Variants in ADAMTSL1 observed in about 807,000 individuals in gnomAD.
ADAMTSL1 encodes the protein ADAMTS like 1.
ADAMTSL1 carries 126 observed loss-of-function variants against 201.8 expected under a neutral mutation model. That is an observed-to-expected ratio of 0.62 (90% CI 0.54 to 0.72). The LOEUF (loss-of-function observed/expected upper bound fraction) is 0.72, where lower values mean the gene tolerates loss of function less well. Among genes scored for constraint, ADAMTSL1 ranks in the 30% least tolerant of loss-of-function variants. The pLI, the probability that ADAMTSL1 is intolerant of heterozygous loss-of-function variation, is 0.00. For synonymous variants in ADAMTSL1, 1,121 were observed against 903.4 expected (o/e 1.24, Z -4.32); for missense variants, 2,679 against 2,277.8 (o/e 1.18, Z -3.59).
chr9:18,581,598 A>G (rs981518701), intron 4 of ADAMTSL1, among the ~76,000 whole-genome samples: 1 of 152,212 alleles, frequency 6.6e-6, no homozygotes, highest in Non-Finnish European at 1.5e-5. Context: ...ACTTGGATAT[A>G]GTGCATCCTG....
intron 1 of ADAMTSL1, among the ~76,000 whole-genome samples, chr9:17,962,509 C>T (rs982811630): frequency 6.6e-6 from 1 of 152,134 alleles, no homozygotes; most frequent in Non-Finnish European, 1.5e-5. Context: ...AAATCCAGGG[C>T]CTGCTATCTA....
chr9:18,023,389 T>C (rs905335415), intron 1 of ADAMTSL1, among the ~76,000 whole-genome samples: 1 of 152,134 alleles, frequency 6.6e-6, no homozygotes, highest in African/African-American at 2.4e-5. Context: ...AGTGTTTCTG[T>C]GGCAATTTAT....
intron 13 of ADAMTSL1, among the ~76,000 whole-genome samples, chr9:18,688,954 A>C (rs1232388509): frequency 2.6e-5 from 4 of 151,846 alleles, no homozygotes; most frequent in African/African-American, 9.7e-5. Flanking sequence ...GTTAAAGTTC[A>C]AACTATGTCA....
At chr9:18,258,989 C>T (rs374465646) in intron 2 of ADAMTSL1, among the ~76,000 whole-genome samples, 3 of 152,176 alleles carry the variant, frequency 2.0e-5, no homozygotes, top group East Asian at 3.9e-4. Flanking sequence ...ACGCACTTGA[C>T]GACTCCCTTC....
intron 8 of ADAMTSL1, among the ~76,000 whole-genome samples, chr9:18,659,820 A>G (rs780220012): frequency 6.6e-6 from 1 of 152,164 alleles, no homozygotes; most frequent in Non-Finnish European, 1.5e-5. Context: ...TGAACTGTCA[A>G]TTACTTTGAT....
Position 18,887,904 on chromosome 9 carries a change from A to C in ADAMTSL1, c.4323A>C (p.Thr1441=), listed in dbSNP as rs1309207490. 1 of 1,613,870 alleles carries C rather than the reference A, an allele frequency of 6.2e-7. No individual in the cohort carries two copies. The highest frequency in any genetic ancestry group is 2.2e-5 in the East Asian group (1 of 44,888). ...FHGGQPIVTA[T]GLTHHILAAG... ...GTGGTCAGCCAATTGTCACTGCCACAGGACTGACGCATCACATCTTGGCAG... is the reference window on the plus strand; with the variant it reads ...GTGGTCAGCCAATTGTCACTGCCACCGGACTGACGCATCACATCTTGGCAG... The change falls in exon 24 of 29, where the codon ACA becomes ACC. Residue 1441 remains threonine (T), a synonymous_variant. Coordinates refer to ENST00000380548, the MANE Select transcript of ADAMTSL1 (RefSeq NM_001040272.6).
chr9:18,222,242 C>G (rs1830286596), intron 2 of ADAMTSL1, among the ~76,000 whole-genome samples: 1 of 151,760 alleles, frequency 6.6e-6, no homozygotes, highest in Non-Finnish European at 1.5e-5. Context: ...GTCTGATAAA[C>G]TTTCTAAAAT....
chr9:18,697,028 T>TGC (rs1831600024), intron 13 of ADAMTSL1, among the ~76,000 whole-genome samples: 1 of 151,082 alleles, frequency 6.6e-6, no homozygotes, highest in Non-Finnish European at 1.5e-5. Flanking sequence ...TACAGGTGTG[T>TGC]GCCGCCACAC....
intron 1 of ADAMTSL1, among the ~76,000 whole-genome samples, chr9:18,157,119 C>A (rs546098992): frequency 3.5e-4 from 54 of 152,146 alleles, no homozygotes; most frequent in Middle Eastern, 3.4e-3. Context: ...TCAGCATTTT[C>A]ATTTCAGTGT....
rs544155797 is a variant in ADAMTSL1 at position 18,120,455 on chromosome 9, G to T, written c.88-43407G>T. Among the ~76,000 whole-genome samples the T allele has an allele frequency of 2.6e-5, 4 of 152,282 alleles. No homozygotes were observed. The South Asian group carries it at 8.3e-4, about 32-fold the overall frequency. On this transcript the variant is annotated intron_variant, in intron 1 of 29. Transcript: ENST00000680146. ...TCAGGACTAGAGGTAGGAATTGTTGGGGGGGACCCTGGAGGCTGCCTACCA... is the reference window on the plus strand; with the variant it reads ...TCAGGACTAGAGGTAGGAATTGTTGTGGGGGACCCTGGAGGCTGCCTACCA...
chr9:18,245,170 T>C (rs1235984580), intron 2 of ADAMTSL1, among the ~76,000 whole-genome samples: 5 of 152,052 alleles, frequency 3.3e-5, no homozygotes, highest in Non-Finnish European at 7.4e-5. Flanking sequence ...AAAACATTAC[T>C]AAGAGAGTCT....
intron 2 of ADAMTSL1, among the ~76,000 whole-genome samples, chr9:18,258,013 G>A (rs1831757452): frequency 6.6e-6 from 1 of 152,170 alleles, no homozygotes; most frequent in Non-Finnish European, 1.5e-5. Flanking sequence ...TGTTTGGGAT[G>A]ATGAAAAAGT....
intron 2 of ADAMTSL1, among the ~76,000 whole-genome samples, chr9:18,246,084 G>C (rs1157913329): frequency 6.6e-6 from 1 of 152,098 alleles, no homozygotes; most frequent in Non-Finnish European, 1.5e-5. Flanking sequence ...ATTAGACACA[G>C]ATTCTGCCCT....
At chr9:18,327,546 T>G (rs1352112140) in intron 2 of ADAMTSL1, among the ~76,000 whole-genome samples, 2 of 152,212 alleles carry the variant, frequency 1.3e-5, no homozygotes, top group Admixed American at 1.3e-4. Context: ...CATTTGTAGA[T>G]GTAGATACTA....
rs778176189 is a variant in ADAMTSL1 at position 18,776,872 on chromosome 9, C to G, written c.2643C>G (p.Phe881Leu). The G allele has an allele frequency of 1.9e-6, 3 of 1,611,122 alleles. No individual in the cohort carries two copies. Among genetic ancestry groups the G allele is most frequent in the Non-Finnish European group, 1.7e-6 (2 of 1,179,112 alleles). The change falls in exon 19 of 29, where the codon TTC becomes TTG. Residue 881 changes from phenylalanine to leucine, a missense_variant. Coordinates refer to ENST00000380548, the MANE Select transcript of ADAMTSL1 (RefSeq NM_001040272.6). ...CTCGCAGGCAGAGGAAGCTGCACTT[C>G]GTGGTGGGGGGCTTCGCCTACCTGC... is the stretch of plus-strand genomic sequence containing the variant. Reference protein sequence around the residue: ...IQTRRQRKLHFVVGGFAYLLP... With the variant: ...IQTRRQRKLHLVVGGFAYLLP...
At chr9:18,085,739 A>G (rs1161942170) in intron 1 of ADAMTSL1, among the ~76,000 whole-genome samples, 3 of 151,144 alleles carry the variant, frequency 2.0e-5, no homozygotes, top group Non-Finnish European at 4.4e-5. Context: ...CAGGTTATAT[A>G]TATACGTGTA....
Position 18,025,437 on chromosome 9 carries a change from T to G in ADAMTSL1, c.87+118515T>G, listed in dbSNP as rs565629845. On this transcript the variant is annotated intron_variant, in intron 1 of 29. Transcript: ENST00000680146. ...ATTTTGAGTTAATTTTTGTATATGGTGATAGGTAGGGGTTCAGTTTTATTC... is the reference window on the plus strand; with the variant it reads ...ATTTTGAGTTAATTTTTGTATATGGGGATAGGTAGGGGTTCAGTTTTATTC... Among the ~76,000 whole-genome samples, 9 of 152,280 alleles carry G rather than the reference T, an allele frequency of 5.9e-5. No individual in the cohort carries two copies. In the East Asian group the frequency reaches 7.7e-4, roughly 13 times the overall value.
At chr9:18,431,988 AT>A (rs771307054) in intron 2 of ADAMTSL1, among the ~76,000 whole-genome samples, 26 of 152,170 alleles carry the variant, frequency 1.7e-4, no homozygotes, top group Admixed American at 3.9e-4. Context: ...AGCCCATAGC[AT>A]TTTCACATGA....
chr9:18,677,863 T>G (rs1830215904), intron 10 of ADAMTSL1, among the ~76,000 whole-genome samples: 1 of 151,940 alleles, frequency 6.6e-6, no homozygotes, highest in South Asian at 2.1e-4. Flanking sequence ...AAGATAGATA[T>G]TCAGCTTTAT....
Sources: allele counts gnomAD v4.1 joint callset (sites outside exome capture counted in the v4.1 genomes callset), GRCh38; gene constraint gnomAD v4.1.1; transcripts MANE v1.5; gene names NCBI Gene and HGNC (gene_info 2026-07-23, HGNC 2026-07-21).